Variants in ETV1 observed in about 807,000 individuals in gnomAD.
The protein encoded by ETV1 is ETS translocation variant 1.
ETV1 carries 27 observed loss-of-function variants against 62.3 expected under a neutral mutation model. The ratio of observed to expected loss-of-function variants is 0.43; its 90% CI spans 0.32 to 0.60. ETV1 has a LOEUF of 0.60. Among genes scored for constraint, ETV1 ranks in the 20% least tolerant of loss-of-function variants. ETV1 has a pLI of 0.06. For synonymous variants in ETV1, 222 were observed against 199.6 expected, an observed-to-expected ratio of 1.11 and a Z score of -0.94; for missense variants, 605 against 605.8, an observed-to-expected ratio of 1.00 and a Z score of 0.01.
chr7:13,948,284 T>A (rs1788402567), intron 6 of ETV1, among the ~76,000 whole-genome samples: 1 of 152,256 alleles, frequency 6.6e-6, no homozygotes, highest in South Asian at 2.1e-4. Flanking sequence ...CCTTTCACTC[T>A]GCTTTCCTCC....
chr7:13,911,439 A>G, intron 9 of ETV1, 132 bp from the exon 10 acceptor site: 1 of 621,048 alleles, frequency 1.6e-6, no homozygotes, highest in East Asian at 2.8e-5. Flanking sequence ...TCAACATATA[A>G]TCAACATTTC....
At chr7:13,903,212 T>A (rs997020012) in intron 12 of ETV1, among the ~76,000 whole-genome samples, 8 of 152,046 alleles carry the variant, frequency 5.3e-5, no homozygotes, top group Admixed American at 3.9e-4. Flanking sequence ...AAAACTTGAG[T>A]TGTTAGTGAA....
rs894308815 is a variant in ETV1 at position 13,893,569 on chromosome 7, C to T, written c.*2297G>A. On this transcript the variant is annotated 3_prime_UTR_variant, in exon 14 of 14. Transcript: ENST00000430479. ...GTGATAACGTTAGCATGGCCCAATT[C>T]TTCCTCACTGACTGACTAAAACTAG... 1 of 231,688 alleles carries T rather than the reference C, an allele frequency of 4.3e-6. No individual in the cohort carries two copies. The highest frequency in any genetic ancestry group is 2.2e-5 in the African/African-American group (1 of 45,194). The allele number at this position is 231,688 out of a possible 1,614,324, so 14.4% of individuals were successfully genotyped here.
In ETV1 at chr7:13,900,832, C is replaced by T. The variant is rs1782336181; in HGVS notation, c.1118G>A (p.Arg373Gln). The change falls in exon 13 of 14, where the codon CGA (arginine) becomes CAA (glutamine). Residue 373 changes from arginine (R) to glutamine (Q), a missense_variant. Arg to Gln is a conservative substitution (Grantham distance 43, BLOSUM62 1). Transcript: ENST00000430479. ...CCTGTTTTTCTGAATGCCCCAACGT[C>T]GGGCCACCTGCCGCGAAACAGAATT... ...FKLIEPEEVA[R>Q]RWGIQKNRPA... is the part of the protein sequence containing the mutation. 3 of 1,605,066 alleles carry T rather than the reference C, an allele frequency of 1.9e-6. No individual in the cohort carries two copies. Among genetic ancestry groups the T allele is most frequent in the South Asian group, 2.2e-5 (2 of 89,368 alleles).
chr7:13,986,534 G>C (rs1442105846), intron 5 of ETV1, 104 bp downstream of exon 5: 1 of 1,569,838 alleles, frequency 6.4e-7, no homozygotes, highest in Non-Finnish European at 8.6e-7. Flanking sequence ...GGCTCTTTTA[G>C]AGCTCAATTA....
intron 5 of ETV1, chr7:13,985,529 T>A (rs1481078864): frequency 2.0e-5 from 3 of 152,054 alleles, no homozygotes; most frequent in East Asian, 3.9e-4. Context: ...AGACCACCGA[T>A]AAAACACGTC....
At chr7:13,969,533 C>T (rs532344371) in intron 6 of ETV1, among the ~76,000 whole-genome samples, 2 of 152,254 alleles carry the variant, frequency 1.3e-5, no homozygotes, top group Admixed American at 1.3e-4. Flanking sequence ...GAGAAAATAT[C>T]TAACCTTGCA....
At position 13,983,044 on chromosome 7, in the gene ETV1, C is replaced by G. The variant is rs1782157577; in HGVS notation, c.181+3594G>C. On this transcript the variant is annotated intron_variant, in intron 5 of 13. Coordinates refer to ENST00000430479, the MANE Select transcript of ETV1 (RefSeq NM_004956.5). ...TCACATAAAACCAAAAGGAAAAAAC[C>G]CTTATTCGTATGATGTAATAAGCTT... Among the ~76,000 whole-genome samples, 3 of 152,008 alleles carry G rather than the reference C, an allele frequency of 2.0e-5. No homozygotes were observed. In the South Asian group the frequency reaches 6.2e-4, roughly 32 times the overall value.
Position 13,893,823 on chromosome 7 carries a change from T to C in ETV1, c.*2043A>G, listed in dbSNP as rs1217748989. The C allele has an allele frequency of 1.3e-5, 3 of 232,864 alleles. No individual in the cohort carries two copies. Among genetic ancestry groups the C allele is most frequent in the Non-Finnish European group, 2.5e-5 (3 of 117,682 alleles). 14.4% of individuals were successfully genotyped at this position (232,864 alleles called of 1,614,324 possible). On this transcript the variant is annotated 3_prime_UTR_variant, in exon 14 of 14. Coordinates refer to ENST00000430479, the MANE Select transcript of ETV1 (RefSeq NM_004956.5). ...AGTGCTGTAGATGGCCACATAAGCA[T>C]AGTGGGGAGAAAAGGTTCTGATTTT...
In ETV1 at chr7:13,931,641, G is replaced by A. The variant is rs757320334; in HGVS notation, c.663C>T (p.Pro221=). The change falls in exon 9 of 14, where the codon CCC becomes CCT. Residue 221 remains proline (P), a synonymous_variant. Coordinates refer to ENST00000430479, the MANE Select transcript of ETV1 (RefSeq NM_004956.5). The stretch of plus-strand genomic sequence containing the variant: ...CCTGCTTAAAGCCTTGTGGTGGGAA[G>A]GGGATGTTTGGCTCAGACATCTGGC... ...YQRQMSEPNI[P]FPPQGFKQEY... is the part of the protein sequence containing the mutation. The A allele has an allele frequency of 4.3e-6, 7 of 1,614,048 alleles. No individual in the cohort carries two copies. The highest frequency in any genetic ancestry group is 3.3e-5 in the Admixed American group (2 of 60,026).
chr7:13,902,057 T>C (rs1304766397), intron 12 of ETV1, among the ~76,000 whole-genome samples: 1 of 152,158 alleles, frequency 6.6e-6, no homozygotes, highest in Non-Finnish European at 1.5e-5. Context: ...AGTCACTCTC[T>C]CATTAATTTC....
chr7:13,928,898 C>T (rs1396718816), intron 9 of ETV1, among the ~76,000 whole-genome samples: 1 of 152,144 alleles, frequency 6.6e-6, no homozygotes, highest in Admixed American at 6.5e-5. Flanking sequence ...TCGGAGGTTG[C>T]AGTGAGCTGA....
Position 13,925,750 on chromosome 7 carries a change from A to T in ETV1, c.802+5752T>A, listed in dbSNP as rs561583226. Among the ~76,000 whole-genome samples, 108 of 142,654 alleles carry T rather than the reference A, an allele frequency of 7.6e-4. 1 individual carries two copies. In the East Asian group the frequency reaches 0.021, roughly 28 times the overall value. 93.6% of individuals were successfully genotyped at this position (142,654 alleles called of 152,430 possible). On this transcript the variant is annotated intron_variant, in intron 9 of 13. Coordinates refer to ENST00000430479, the MANE Select transcript of ETV1 (RefSeq NM_004956.5). ...CCGGCTAATTTTTTGTATTTTTTTT[A>T]GTAGAGACGGGGTTTCACCGTGGTC...
At chr7:13,953,722 C>T (rs1164043990) in intron 6 of ETV1, among the ~76,000 whole-genome samples, 2 of 151,786 alleles carry the variant, frequency 1.3e-5, no homozygotes, top group Non-Finnish European at 2.9e-5. Context: ...TACCCTGCAT[C>T]CCCCACACCT....
At chr7:13,976,465 C>G (rs1781465595) in intron 6 of ETV1, among the ~76,000 whole-genome samples, 1 of 152,200 alleles carries the variant, frequency 6.6e-6, no homozygotes, top group African/African-American at 2.4e-5. Context: ...GCACAACCCT[C>G]TACGCCTGAG....
chr7:13,988,927 C>T, intron 3 of ETV1, 81 bp downstream of exon 3: 1 of 1,397,888 alleles, frequency 7.2e-7, no homozygotes, highest in African/African-American at 1.4e-5. Context: ...CCCCCGTGCC[C>T]CCTCCCTTCT....
intron 13 of ETV1, among the ~76,000 whole-genome samples, chr7:13,898,737 T>C (rs1782095845): frequency 6.6e-6 from 1 of 152,220 alleles, no homozygotes; most frequent in South Asian, 2.1e-4. Context: ...TGTTAAAATA[T>C]ATAATTCAAC....
intron 6 of ETV1, among the ~76,000 whole-genome samples, chr7:13,971,388 C>T (rs897454658): frequency 3.3e-5 from 5 of 152,228 alleles, no homozygotes; most frequent in Admixed American, 2.6e-4. Context: ...TGAGTCCCCA[C>T]ACAAGGGTCT....
At chr7:13,900,073 G>A (rs1224958677) in intron 13 of ETV1, among the ~76,000 whole-genome samples, 1 of 152,184 alleles carries the variant, frequency 6.6e-6, no homozygotes, top group Non-Finnish European at 1.5e-5. Context: ...AGGTTGCAGT[G>A]AACCAAGATC....
Sources: allele counts gnomAD v4.1 joint callset (sites outside exome capture counted in the v4.1 genomes callset), GRCh38; gene constraint gnomAD v4.1.1; transcripts MANE v1.5; gene names NCBI Gene and HGNC (gene_info 2026-07-23, HGNC 2026-07-21).